The following MEGF11 variants were observed in gnomAD, a reference collection of about 807,000 sequenced individuals.
MEGF11 encodes multiple epidermal growth factor-like domains protein 11.
A neutral mutation model predicts 146.6 loss-of-function variants in MEGF11; 126 were observed. That is an observed-to-expected ratio of 0.86 (90% CI 0.74 to 1.00). MEGF11 has a LOEUF of 1.00. Among genes scored for constraint, MEGF11 ranks in the 50% least tolerant of loss-of-function variants. The pLI is 0.00. For synonymous variants in MEGF11, 532 were observed against 583.4 expected, an observed-to-expected ratio of 0.91 and a Z score of 1.27; for missense variants, 1,509 against 1,521.2, an observed-to-expected ratio of 0.99 and a Z score of 0.13.
At chr15:66,083,318 G>A (rs2085975015) in intron 5 of MEGF11, among the ~76,000 whole-genome samples, 1 of 152,212 alleles carries the variant, frequency 6.6e-6, no homozygotes, top group Admixed American at 6.5e-5. Flanking sequence ...TTAAGGAAAT[G>A]TTTAAATTAT....
At chr15:66,102,602 G>GTT (rs34781176) in intron 4 of MEGF11, among the ~76,000 whole-genome samples, 7 of 151,066 alleles carry the variant, frequency 4.6e-5, no homozygotes, top group East Asian at 3.9e-4. Flanking sequence ...AATTAAAAAA[G>GTT]TTTTTTTTGT....
chr15:66,132,458 G>A (rs149159845), intron 1 of MEGF11, among the ~76,000 whole-genome samples: 1,903 of 152,324 alleles, frequency 0.012, 14 homozygotes, highest in South Asian at 0.023. Flanking sequence ...CCTGGCCAAC[G>A]TGCCTGCAGC....
intron 10 of MEGF11, among the ~76,000 whole-genome samples, chr15:65,935,707 G>A (rs1596867093): frequency 6.6e-6 from 1 of 152,194 alleles, no homozygotes; most frequent in Admixed American, 6.5e-5. Context: ...CTGAAGGAGT[G>A]TAACCTTGGC....
Position 66,195,925 on chromosome 15 carries a change from T to C in MEGF11, c.-9+57680A>G, listed in dbSNP as rs956747406. 2.0e-5 allele frequency among the ~76,000 whole-genome samples: 3 copies of C among 152,062 alleles called. 1 individual carries two copies. The highest frequency in any genetic ancestry group is 2.0e-4 in the Admixed American group (3 of 15,270). ...GGAGTAAGACGTGGTGGGGAGAGGA[T>C]GTGAAGTGAGGCTCAAGCGGTGTCT... On this transcript the variant is annotated intron_variant, in intron 1 of 25. Transcript: ENST00000395614.
intron 7 of MEGF11, among the ~76,000 whole-genome samples, chr15:65,974,381 G>A (rs1158663980): frequency 2.0e-5 from 3 of 152,188 alleles, no homozygotes; most frequent in Non-Finnish European, 4.4e-5. Context: ...ACTCAGGCCA[G>A]GTGCGGTGGC....
chr15:65,979,549 A>ACGGAG (rs1312430511), intron 7 of MEGF11, among the ~76,000 whole-genome samples: 1 of 152,132 alleles, frequency 6.6e-6, no homozygotes, highest in African/African-American at 2.4e-5. Context: ...TTCCCCTGAA[A>ACGGAG]CGGAGCGTGT....
At chr15:66,130,435 C>A (rs556989143) in intron 1 of MEGF11, among the ~76,000 whole-genome samples, 1 of 152,246 alleles carries the variant, frequency 6.6e-6, no homozygotes, top group South Asian at 2.1e-4. Flanking sequence ...AGAGAACCTC[C>A]TGACAGCATC....
Position 65,970,663 on chromosome 15 carries a change from TG to T in MEGF11, c.788del (p.Pro263HisfsTer24), listed in dbSNP as rs774484698. On this transcript the variant is annotated frameshift_variant, in exon 8 of 26. Coordinates refer to ENST00000395614, the MANE Select transcript of MEGF11 (RefSeq NM_001385028.1). LOFTEE classifies it high-confidence loss of function. ...TGCAGTTCTGGCCAAATGTCCCTGGTGGGCAGGGCTGGGCACACACTGCTCC... is the reference window on the plus strand; with the variant it reads ...TGCAGTTCTGGCCAAATGTCCCTGGTGGCAGGGCTGGGCACACACTGCTCC... ...WTGAVCAQPCPPGTFGQNCSQ... is the reference protein window; with the variant it reads ...WTGAVCAQPCXPGTFGQNCSQ... The T allele has an allele frequency of 1.1e-4, 173 of 1,612,082 alleles. No homozygotes were observed. The highest frequency in any genetic ancestry group is 1.3e-4 in the Non-Finnish European group (159 of 1,179,132).
chr15:65,953,874 A>G lies in MEGF11; in HGVS notation c.1287+3673T>C, dbSNP rs151027502. Among the ~76,000 whole-genome samples the G allele has an allele frequency of 1.4e-3, 217 of 152,120 alleles. 1 individual carries two copies. Among genetic ancestry groups the G allele is most frequent in the African/African-American group, 4.6e-3 (192 of 41,494 alleles). On this transcript the variant is annotated intron_variant, in intron 10 of 25. Transcript: ENST00000395614. ...CACAGGTGTGGTTCTGCACTACTTC[A>G]TCAGCACTCCTCACGTTTATGTTGA...
chr15:66,198,397 G>A (rs2091061763), intron 1 of MEGF11, among the ~76,000 whole-genome samples: 1 of 152,342 alleles, frequency 6.6e-6, no homozygotes, highest in African/African-American at 2.4e-5. Flanking sequence ...TAGCTGGTTT[G>A]TTTCCTACCT....
chr15:65,989,731 C>T (rs1465688996), intron 5 of MEGF11, among the ~76,000 whole-genome samples: 1 of 152,188 alleles, frequency 6.6e-6, no homozygotes, highest in Non-Finnish European at 1.5e-5. Flanking sequence ...CTGGGTACTC[C>T]TGGGCAGCCT....
intron 23 of MEGF11, among the ~76,000 whole-genome samples, chr15:65,908,510 G>T (rs1273845306): frequency 6.6e-6 from 1 of 152,210 alleles, no homozygotes; most frequent in Non-Finnish European, 1.5e-5. Flanking sequence ...CAGTACATGA[G>T]TACAGGTGAT....
chr15:65,968,274 A>G (rs1206217001), intron 8 of MEGF11, among the ~76,000 whole-genome samples: 1 of 152,358 alleles, frequency 6.6e-6, no homozygotes, highest in East Asian at 1.9e-4. Flanking sequence ...CTGAGTTGCC[A>G]GCCCCTGTTC....
chr15:66,035,188 A>G (rs1054103018), intron 5 of MEGF11, among the ~76,000 whole-genome samples: 4 of 152,238 alleles, frequency 2.6e-5, no homozygotes, highest in Non-Finnish European at 5.9e-5. Flanking sequence ...AGTACCGGAC[A>G]CAGAGTAAGA....
intron 24 of MEGF11, 35 bp downstream of exon 24, chr15:65,906,050 C>T: frequency 1.9e-6 from 3 of 1,556,516 alleles, no homozygotes; most frequent in Non-Finnish European, 2.6e-6. Context: ...CTTGCTAAGC[C>T]CTCTGTAATA....
chr15:66,157,419 C>A (rs1380335739), intron 1 of MEGF11, among the ~76,000 whole-genome samples: 1 of 152,242 alleles, frequency 6.6e-6, no homozygotes, highest in Non-Finnish European at 1.5e-5. Context: ...CATGTCACGG[C>A]AGCTACAAGA....
intron 1 of MEGF11, among the ~76,000 whole-genome samples, chr15:66,153,237 A>G (rs533786865): frequency 7.2e-5 from 11 of 152,308 alleles, no homozygotes; most frequent in Admixed American, 2.6e-4. Flanking sequence ...GGCTGGTCCC[A>G]TCTCAAGGCA....
intron 5 of MEGF11, among the ~76,000 whole-genome samples, chr15:66,089,339 C>A (rs755002146): frequency 6.6e-6 from 1 of 152,164 alleles, no homozygotes; most frequent in Non-Finnish European, 1.5e-5. Context: ...CAGTGTGTAC[C>A]GGGCTTTGAC....
rs1254771481 is a variant in MEGF11 at position 65,896,107 on chromosome 15, A to C, written c.*1827T>G. 6.6e-6 allele frequency: 1 copy of C among 152,420 alleles called. No individual in the cohort carries two copies. The highest frequency in any genetic ancestry group is 6.5e-5 in the Admixed American group (1 of 15,290). 9.4% of individuals were successfully genotyped at this position (152,420 alleles called of 1,614,324 possible). A position where few individuals can be genotyped will look rare whatever the true frequency, so the allele number is the denominator to read the frequency against. Reference sequence around the variant, plus strand: ...TCACAAACACTTGCTGCCCTGAAATACTGAGGTAAGCTGCTTACCTATATT... The same window carrying C: ...TCACAAACACTTGCTGCCCTGAAATCCTGAGGTAAGCTGCTTACCTATATT... On this transcript the variant is annotated 3_prime_UTR_variant, in exon 26 of 26. Coordinates refer to ENST00000395614, the MANE Select transcript of MEGF11 (RefSeq NM_001385028.1).
Sources: allele counts gnomAD v4.1 joint callset (sites outside exome capture counted in the v4.1 genomes callset), GRCh38; gene constraint gnomAD v4.1.1; transcripts MANE v1.5; gene names NCBI Gene and HGNC (gene_info 2026-07-23, HGNC 2026-07-21).